Variants in CHD6 observed in about 807,000 individuals in gnomAD.
The protein encoded by CHD6 is chromodomain helicase DNA binding protein 6.
In CHD6, 50 loss-of-function variants were observed where a neutral mutation model predicts 276.9. That is an observed-to-expected ratio of 0.18 (90% CI 0.14 to 0.23). The LOEUF is 0.23. CHD6 is among the 10% of genes least tolerant of loss of function. CHD6 has a pLI of 1.00. For missense variants in CHD6, 2,564 were observed against 3,365.8 expected, an observed-to-expected ratio of 0.76 and a Z score of 5.89; for synonymous variants, 1,173 against 1,229.3, an observed-to-expected ratio of 0.95 and a Z score of 0.96.
intron 1 of CHD6, among the ~76,000 whole-genome samples, chr20:41,600,279 T>C (rs1466937457): frequency 1.3e-5 from 2 of 152,212 alleles, no homozygotes; most frequent in Non-Finnish European, 2.9e-5. Flanking sequence ...TTATAATCAA[T>C]GCCTCCCAAC....
chr20:41,532,988 CA>C lies in CHD6; in HGVS notation c.554+61del, dbSNP rs2044726080. The stretch of plus-strand genomic sequence containing the variant: ...TATGCCTAGGGGCTTGGGCTAATGC[CA>C]AAGGCAAATCGTTCTGCACTGGCAT... On this transcript the variant is annotated intron_variant, in intron 3 of 36. Coordinates refer to ENST00000373233, the MANE Select transcript of CHD6 (RefSeq NM_032221.5). 5 of 1,520,788 alleles carry C rather than the reference CA, an allele frequency of 3.3e-6. No homozygotes were observed. In the East Asian group the frequency reaches 1.1e-4, roughly 34 times the overall value. The allele number at this position is 1,520,788 out of a possible 1,614,324, so 94.2% of individuals were successfully genotyped here.
chr20:41,585,896 G>A (rs1037313985), intron 1 of CHD6, among the ~76,000 whole-genome samples: 5 of 152,114 alleles, frequency 3.3e-5, no homozygotes, highest in East Asian at 1.9e-4. Context: ...TTCCTAGGCC[G>A]ACTAAGAATT....
intron 11 of CHD6, among the ~76,000 whole-genome samples, chr20:41,491,340 T>TA (rs1568638973): frequency 6.7e-6 from 1 of 148,584 alleles, no homozygotes; most frequent in African/African-American, 2.4e-5. Flanking sequence ...ATATATATAT[T>TA]TTTTGGTTTT....
chr20:41,596,650 C>T (rs187370136), intron 1 of CHD6, among the ~76,000 whole-genome samples: 1 of 151,614 alleles, frequency 6.6e-6, no homozygotes, highest in East Asian at 2.0e-4. Flanking sequence ...GGAATCAGTG[C>T]CTTGAACCCA....
In CHD6 at chr20:41,413,216, C is replaced by A. The variant is rs554677094; in HGVS notation, c.7131+108G>T. The A allele has an allele frequency of 8.4e-6, 7 of 829,842 alleles. No homozygotes were observed. In the African/African-American group the frequency reaches 1.0e-4, roughly 12 times the overall value. 51.4% of individuals were successfully genotyped at this position (829,842 alleles called of 1,614,324 possible). ...GATGTTGTCAGCTGACAGATTTCTC[C>A]CAAACAGCTCCCAACTTCCTGGTTG... On this transcript the variant is annotated intron_variant, in intron 35 of 36. Transcript: ENST00000373233.
At chr20:41,538,026 C>G (rs538884694) in intron 2 of CHD6, among the ~76,000 whole-genome samples, 2 of 152,202 alleles carry the variant, frequency 1.3e-5, no homozygotes, top group African/African-American at 4.8e-5. Flanking sequence ...TGTGGTATGT[C>G]CATACAATGG....
intron 1 of CHD6, among the ~76,000 whole-genome samples, chr20:41,558,326 G>A (rs528203886): frequency 4.9e-4 from 75 of 152,304 alleles, no homozygotes; most frequent in African/African-American, 1.8e-3. Flanking sequence ...GTAAAATGCT[G>A]ACAACATGTG....
chr20:41,567,662 A>G (rs2045372291), intron 1 of CHD6, among the ~76,000 whole-genome samples: 2 of 151,880 alleles, frequency 1.3e-5, no homozygotes. Context: ...ACACAGGAAG[A>G]GAGAAGTCAA....
At chr20:41,481,177 G>C (rs1020536746) in intron 16 of CHD6, among the ~76,000 whole-genome samples, 35 of 151,746 alleles carry the variant, frequency 2.3e-4, no homozygotes, top group Admixed American at 7.9e-4. Context: ...TAAGATGAGA[G>C]AGAAGCCTTT....
At chr20:41,488,701 G>A (rs1049116030) in intron 12 of CHD6, 97 bp from the exon 13 acceptor site, 4 of 1,024,688 alleles carry the variant, frequency 3.9e-6, no homozygotes, top group African/African-American at 1.6e-5. Flanking sequence ...CAGATGCTGG[G>A]GCCTAGGTGA....
chr20:41,464,896 GA>G (rs1555897607), intron 17 of CHD6, among the ~76,000 whole-genome samples: 4 of 152,178 alleles, frequency 2.6e-5, no homozygotes, highest in Non-Finnish European at 5.9e-5. Flanking sequence ...AAAAAACACA[GA>G]AGCCAATGTA....
intron 17 of CHD6, among the ~76,000 whole-genome samples, chr20:41,467,931 C>CGA (rs1284770456): frequency 2.6e-5 from 4 of 152,164 alleles, no homozygotes; most frequent in Admixed American, 2.6e-4. Flanking sequence ...GTGCTTCAGA[C>CGA]GTGCCGCCTA....
In CHD6 at chr20:41,421,438, C is replaced by G; in HGVS notation, c.5197G>C (p.Asp1733His). The G allele has an allele frequency of 6.2e-7, 1 of 1,614,166 alleles. No individual in the cohort carries two copies. The highest frequency in any genetic ancestry group is 1.1e-5 in the South Asian group (1 of 91,064). Residue 1733 changes from aspartate (D) to histidine (H), a missense_variant, in exon 31 of 37, where the codon GAT (aspartate) becomes CAT (histidine). Asp to His is a moderately conservative substitution (Grantham distance 81). This residue lies in a region of CHD6 where 1,024 missense variants were observed against 1,047.9 expected (regional missense o/e 0.98). Coordinates refer to ENST00000373233, the MANE Select transcript of CHD6 (RefSeq NM_032221.5). ...SPSTNTESRK[D>H]VITISISKDG... The stretch of plus-strand genomic sequence containing the variant: ...TTGCTTATTGAGATGGTAATAACAT[C>G]TTTTCTAGATTCAGTATTGGTACTT...
At chr20:41,457,224 A>C in intron 18 of CHD6, 40 bp downstream of exon 18, 1 of 1,591,514 alleles carries the variant, frequency 6.3e-7, no homozygotes, top group Non-Finnish European at 8.6e-7. Context: ...CTGTGCGACC[A>C]ATGTTCCTTA....
In CHD6 at chr20:41,403,003, G is replaced by A. The variant is rs2046573954; in HGVS notation, c.*1590C>T. ...AGATACATCTGATTGATTTTTTTCA[G>A]TCATGATTTAACAGACTTCTTTGAG... is the stretch of plus-strand genomic sequence containing the variant. On this transcript the variant is annotated 3_prime_UTR_variant, in exon 37 of 37. Coordinates refer to ENST00000373233, the MANE Select transcript of CHD6 (RefSeq NM_032221.5). The A allele has an allele frequency of 4.8e-6, 1 of 209,406 alleles. No individual in the cohort carries two copies. The highest frequency in any genetic ancestry group is 9.7e-6 in the Non-Finnish European group (1 of 102,950). 13.0% of individuals were successfully genotyped at this position (209,406 alleles called of 1,614,324 possible).
At chr20:41,463,903 A>G (rs1052749411) in intron 17 of CHD6, among the ~76,000 whole-genome samples, 1 of 152,226 alleles carries the variant, frequency 6.6e-6, no homozygotes, top group Non-Finnish European at 1.5e-5. Context: ...AGTGAAATAC[A>G]CACTGAAAGT....
Position 41,473,170 on chromosome 20 carries a change from C to T in CHD6, c.2664+152G>A, listed in dbSNP as rs1256011004. On this transcript the variant is annotated intron_variant, in intron 17 of 36. Coordinates refer to ENST00000373233, the MANE Select transcript of CHD6 (RefSeq NM_032221.5). This position sits in a 1 kb window ranked among gnomAD's most constrained non-coding sequence, Gnocchi z 4.1. Reference sequence around the variant, plus strand: ...GAAGGGTCGACATTTACTTTTCATTCAGTTTCACCCCCTGACCAAGGCCCT... The same window carrying T: ...GAAGGGTCGACATTTACTTTTCATTTAGTTTCACCCCCTGACCAAGGCCCT... 24 of 602,648 alleles carry T rather than the reference C, an allele frequency of 4.0e-5. No individual in the cohort carries two copies. The highest frequency in any genetic ancestry group is 9.4e-5 in the Admixed American group (3 of 31,988). 37.3% of individuals were successfully genotyped at this position (602,648 alleles called of 1,614,324 possible).
intron 2 of CHD6, among the ~76,000 whole-genome samples, chr20:41,550,343 A>G (rs760702656): frequency 6.6e-6 from 1 of 152,356 alleles, no homozygotes; most frequent in Non-Finnish European, 1.5e-5. Context: ...TCTTTGAGCT[A>G]GGACAGATAT....
At chr20:41,548,552 C>T (rs891826625) in intron 2 of CHD6, among the ~76,000 whole-genome samples, 1 of 152,158 alleles carries the variant, frequency 6.6e-6, no homozygotes, top group Non-Finnish European at 1.5e-5. Flanking sequence ...TAGAAGAAAA[C>T]CTAGGCAATA....
Sources: allele counts gnomAD v4.1 joint callset (sites outside exome capture counted in the v4.1 genomes callset), GRCh38; gene constraint gnomAD v4.1.1; regional missense constraint gnomAD v4.1.1; non-coding constraint Gnocchi (gnomAD v3.1); transcripts MANE v1.5; gene names NCBI Gene and HGNC (gene_info 2026-07-23, HGNC 2026-07-21).